Variants in CLASP2 observed in about 807,000 individuals in gnomAD.
CLASP2 encodes cytoplasmic linker associated protein 2.
In CLASP2, 47 loss-of-function variants were observed where a neutral mutation model predicts 194.4. The ratio of observed to expected loss-of-function variants is 0.24; its 90% confidence interval spans 0.19 to 0.31. CLASP2 has a LOEUF of 0.31. CLASP2 is among the 10% of genes least tolerant of loss of function. The pLI, the probability that CLASP2 is intolerant of heterozygous loss-of-function variation, is 1.00. For missense variants in CLASP2, 1,445 were observed against 1,823.6 expected, an observed-to-expected ratio of 0.79 and a Z score of 3.78; for synonymous variants, 619 against 633.5, an observed-to-expected ratio of 0.98 and a Z score of 0.34.
chr3:33,668,283 G>C (rs1164051217), intron 6 of CLASP2, among the ~76,000 whole-genome samples: 5 of 152,174 alleles, frequency 3.3e-5, no homozygotes, highest in Non-Finnish European at 7.3e-5. Context: ...CTTAAGTTTA[G>C]TTGTTTTAAC....
rs117132954 is a variant in CLASP2 at position 33,596,246 on chromosome 3, C to T, written c.1948+465G>A. Among the ~76,000 whole-genome samples, 326 of 152,148 alleles carry T rather than the reference C, an allele frequency of 2.1e-3. 1 individual carries two copies. The East Asian group carries it at 0.041, about 19-fold the overall frequency. On this transcript the variant is annotated intron_variant, in intron 19 of 38. Coordinates refer to ENST00000682230, the MANE Select transcript of CLASP2 (RefSeq NM_001365631.1). ...TCAATTTTGACTAAATGTTAGTTTACAACGCACTCTTAAAAAGTCGGCCTC... is the reference window on the plus strand; with the variant it reads ...TCAATTTTGACTAAATGTTAGTTTATAACGCACTCTTAAAAAGTCGGCCTC...
intron 6 of CLASP2, among the ~76,000 whole-genome samples, chr3:33,667,895 T>C (rs1352938508): frequency 6.6e-6 from 1 of 152,142 alleles, no homozygotes; most frequent in African/African-American, 2.4e-5. Flanking sequence ...AAATATTTGA[T>C]AGAAAAAAAT....
intron 21 of CLASP2, among the ~76,000 whole-genome samples, chr3:33,588,041 A>G (rs946891378): frequency 6.6e-6 from 1 of 152,204 alleles, no homozygotes; most frequent in East Asian, 1.9e-4. Flanking sequence ...TTTCTACTCT[A>G]GATTTACTGA....
At chr3:33,622,965 T>TG (rs2077350924) in intron 10 of CLASP2, among the ~76,000 whole-genome samples, 1 of 152,018 alleles carries the variant, frequency 6.6e-6, no homozygotes, top group South Asian at 2.1e-4. Context: ...CATGCCACCG[T>TG]GCCTGGATAA....
rs1424610640 is a variant in CLASP2 at position 33,544,793 on chromosome 3, A to G, written c.3202T>C (p.Phe1068Leu). Residue 1068 changes from phenylalanine to leucine, a missense_variant, in exon 31 of 39, where the codon TTT becomes CTT. Around this residue, in one of 4 missense-constraint regions of CLASP2, gnomAD observed 732 missense variants for 987.9 expected, o/e 0.74. Coordinates refer to ENST00000682230, the MANE Select transcript of CLASP2 (RefSeq NM_001365631.1). ...ISLFELNTPE[F>L]TMLLGALPKT... ...GGTAAAGCTCCTAATAACATTGTAA[A>G]CTCTGGGGTATTGAGTTCAAATAAT... 1 of 1,613,132 alleles carries G rather than the reference A, an allele frequency of 6.2e-7. No homozygotes were observed. The highest frequency in any genetic ancestry group is 1.3e-5 in the African/African-American group (1 of 74,860).
At chr3:33,512,610 G>C (rs1447328675) in intron 36 of CLASP2, among the ~76,000 whole-genome samples, 2 of 129,876 alleles carry the variant, frequency 1.5e-5, no homozygotes, top group African/African-American at 5.9e-5. Context: ...AACTGCTTTT[G>C]ATGCTACTTT....
At chr3:33,637,608 C>T (rs886268330) in intron 8 of CLASP2, among the ~76,000 whole-genome samples, 4 of 152,092 alleles carry the variant, frequency 2.6e-5, no homozygotes, top group Admixed American at 6.5e-5. Context: ...CCAAGGTCTT[C>T]GTGTTCATTT....
At chr3:33,706,295 T>C (rs2092681835) in intron 1 of CLASP2, among the ~76,000 whole-genome samples, 1 of 151,948 alleles carries the variant, frequency 6.6e-6, no homozygotes, top group African/African-American at 2.4e-5. Flanking sequence ...GAAAATAAAG[T>C]TTTAACGGTG....
At chr3:33,655,012 T>C (rs895447109) in intron 7 of CLASP2, among the ~76,000 whole-genome samples, 3 of 152,160 alleles carry the variant, frequency 2.0e-5, no homozygotes, top group African/African-American at 2.4e-5. Context: ...TAAACCATTA[T>C]TTGGTATTAA....
chr3:33,649,251 A>C (rs2082777655), intron 7 of CLASP2, among the ~76,000 whole-genome samples: 2 of 152,146 alleles, frequency 1.3e-5, no homozygotes, highest in Non-Finnish European at 2.9e-5. Flanking sequence ...AAACTTCCCA[A>C]CACCCTGGTA....
intron 7 of CLASP2, among the ~76,000 whole-genome samples, chr3:33,660,440 T>C (rs754701666): frequency 1.1e-4 from 17 of 152,248 alleles, no homozygotes; most frequent in Non-Finnish European, 1.6e-4. Context: ...ACTCACTTAA[T>C]GACTGTTCAG....
intron 34 of CLASP2, among the ~76,000 whole-genome samples, chr3:33,524,884 C>T (rs1273297708): frequency 6.6e-6 from 1 of 152,126 alleles, no homozygotes; most frequent in Non-Finnish European, 1.5e-5. Flanking sequence ...TGGACTCTCA[C>T]TATTGGATTC....
intron 10 of CLASP2, among the ~76,000 whole-genome samples, chr3:33,625,619 T>C (rs2077905050): frequency 6.6e-6 from 1 of 151,742 alleles, no homozygotes; most frequent in Non-Finnish European, 1.5e-5. Flanking sequence ...TATCTTGTCA[T>C]ATATGTTTAA....
intron 1 of CLASP2, among the ~76,000 whole-genome samples, chr3:33,708,526 ATATATATATGTATATATG>A (rs2092828585): frequency 1.1e-5 from 1 of 91,102 alleles, no homozygotes; most frequent in African/African-American, 4.8e-5. Context: ...GTATATATGT[ATATATATATGTATATATG>A]TATATATATA....
chr3:33,692,792 C>T (rs1297294610), intron 2 of CLASP2, among the ~76,000 whole-genome samples: 1 of 152,174 alleles, frequency 6.6e-6, no homozygotes, highest in African/African-American at 2.4e-5. Context: ...AATAGGCTCT[C>T]CATATGAATG....
chr3:33,691,519 A>G (rs970485424), intron 2 of CLASP2, among the ~76,000 whole-genome samples: 4 of 152,222 alleles, frequency 2.6e-5, no homozygotes, highest in Non-Finnish European at 5.9e-5. Context: ...TGTGTAAGAA[A>G]TCAATGTCCT....
At chr3:33,542,600 AT>A (rs1377899423) in intron 32 of CLASP2, among the ~76,000 whole-genome samples, 1 of 150,288 alleles carries the variant, frequency 6.7e-6, no homozygotes, top group African/African-American at 2.4e-5. Flanking sequence ...ACCTAATGTC[AT>A]ATTTATGATA....
At chr3:33,633,290 T>G (rs2079443866) in intron 8 of CLASP2, among the ~76,000 whole-genome samples, 1 of 152,124 alleles carries the variant, frequency 6.6e-6, no homozygotes, top group African/African-American at 2.4e-5. Context: ...CCTTTGACAA[T>G]GTGACTCTGC....
chr3:33,543,165 G>A (rs1214514864), intron 32 of CLASP2, among the ~76,000 whole-genome samples: 1 of 152,166 alleles, frequency 6.6e-6, no homozygotes, highest in Non-Finnish European at 1.5e-5. Flanking sequence ...CTAAGGTCAG[G>A]AGTTTGTGAC....
Sources: allele counts gnomAD v4.1 joint callset (sites outside exome capture counted in the v4.1 genomes callset), GRCh38; gene constraint gnomAD v4.1.1; regional missense constraint gnomAD v4.1.1; transcripts MANE v1.5; gene names NCBI Gene and HGNC (gene_info 2026-07-23, HGNC 2026-07-21).